CNTN4: variants seen among roughly 807,000 people sequenced by gnomAD.
CNTN4 encodes the protein contactin 4.
CNTN4 carries 77 observed loss-of-function variants against 122.5 expected under a neutral mutation model. That is an observed-to-expected ratio of 0.63 (90% CI 0.52 to 0.76). The LOEUF is 0.76. CNTN4 is among the 30% of genes least tolerant of loss of function. The probability of loss-of-function intolerance (pLI) is 0.00; values close to 1 mark genes in which losing one functional copy is unlikely to be tolerated. For missense variants in CNTN4, 1,256 were observed against 1,259.1 expected (o/e 1.00, Z 0.04); for synonymous variants, 512 against 447.0 (o/e 1.15, Z -1.83).
rs544475779 is a variant in CNTN4 at position 2,347,519 on chromosome 3, C to T, written c.-89+8286C>T. Among the ~76,000 whole-genome samples, 412 of 144,830 alleles carry T rather than the reference C, an allele frequency of 2.8e-3. 2 individuals are homozygous for T. The highest frequency in any genetic ancestry group is 5.0e-3 in the Non-Finnish European group (338 of 67,028). ...CCACCTCCCGAGTTCAAGTGATTCTCCTGCCTCAGCCTCCCTAGTAACTGG... is the reference window on the plus strand; with the variant it reads ...CCACCTCCCGAGTTCAAGTGATTCTTCTGCCTCAGCCTCCCTAGTAACTGG... On this transcript the variant is annotated intron_variant, in intron 3 of 24. Coordinates refer to ENST00000418658, the MANE Select transcript of CNTN4 (RefSeq NM_175607.3).
rs558851339 is a variant in CNTN4, at chr3:2,999,499, G to A, written c.1486+11027G>A. 1.5e-4 allele frequency among the ~76,000 whole-genome samples: 23 copies of A among 152,144 alleles called. No individual in the cohort carries two copies. In the South Asian group the frequency reaches 4.8e-3, roughly 32 times the overall value. The stretch of plus-strand genomic sequence containing the variant: ...TTCTTTCTCATGGCTCTCGGGGCTG[G>A]GAAGTCCAAGATCAAGGTGCTGGCA... On this transcript the variant is annotated intron_variant, in intron 14 of 24. Coordinates refer to ENST00000418658, the MANE Select transcript of CNTN4 (RefSeq NM_175607.3).
At chr3:2,713,099 G>A (rs1489884991) in intron 4 of CNTN4, among the ~76,000 whole-genome samples, 1 of 152,280 alleles carries the variant, frequency 6.6e-6, no homozygotes, top group Admixed American at 6.5e-5. Flanking sequence ...AAGCCAGTCA[G>A]GCAGAAGTTC....
chr3:2,976,507 A>G (rs532445381), intron 13 of CNTN4, among the ~76,000 whole-genome samples: 55 of 148,998 alleles, frequency 3.7e-4, no homozygotes, highest in African/African-American at 8.1e-4. Context: ...AGTGATGTCT[A>G]TTGCCACCAC....
rs35501368 is a variant in CNTN4, at chr3:2,841,150, C to T, written c.454+21569C>T. Among the ~76,000 whole-genome samples, 1 of 152,062 alleles carries T rather than the reference C, an allele frequency of 6.6e-6. No homozygotes were observed. Among genetic ancestry groups the T allele is most frequent in the Non-Finnish European group, 1.5e-5 (1 of 68,002 alleles). ...AAGATAATCTGAGGGTTAATGCTAA[C>T]TCTCATAGAATTTAAGTCAAAATAT... On this transcript the variant is annotated intron_variant, in intron 7 of 24. Transcript: ENST00000418658. The surrounding 1 kb of genome is among the most constrained non-coding windows in gnomAD (Gnocchi z 4.8).
At chr3:2,605,862 A>T (rs1481378603) in intron 4 of CNTN4, among the ~76,000 whole-genome samples, 1 of 152,232 alleles carries the variant, frequency 6.6e-6, no homozygotes, top group Non-Finnish European at 1.5e-5. Context: ...GACAAATGAT[A>T]AATAATTCGA....
chr3:2,554,036 G>T (rs1179333600), intron 3 of CNTN4, among the ~76,000 whole-genome samples: 1 of 152,074 alleles, frequency 6.6e-6, no homozygotes, highest in African/African-American at 2.4e-5. Flanking sequence ...TATATGAATT[G>T]ATATCTCATT....
chr3:2,184,387 G>A (rs1001276847), intron 2 of CNTN4, among the ~76,000 whole-genome samples: 2 of 152,142 alleles, frequency 1.3e-5, no homozygotes, highest in Admixed American at 6.6e-5. Flanking sequence ...CAGAGCATGG[G>A]TGAGGGTGAG....
At chr3:2,680,545 A>G (rs1329987303) in intron 4 of CNTN4, among the ~76,000 whole-genome samples, 2 of 152,194 alleles carry the variant, frequency 1.3e-5, no homozygotes, top group Non-Finnish European at 2.9e-5. Context: ...TATATTTCAT[A>G]ACCGGAGATG....
Position 2,584,033 on chromosome 3 carries a change from G to A in CNTN4, c.55+12475G>A, listed in dbSNP as rs540433963. On this transcript the variant is annotated intron_variant, in intron 4 of 24. Coordinates refer to ENST00000418658, the MANE Select transcript of CNTN4 (RefSeq NM_175607.3). Reference sequence around the variant, plus strand: ...GGTTCAAAACCTACCTGTAATTATAGTTGCTCAGTGTATGAGCTTGAGGAA... The same window carrying A: ...GGTTCAAAACCTACCTGTAATTATAATTGCTCAGTGTATGAGCTTGAGGAA... 2.0e-5 allele frequency among the ~76,000 whole-genome samples: 3 copies of A among 152,266 alleles called. No individual in the cohort carries two copies. The East Asian group carries it at 5.8e-4, about 29-fold the overall frequency.
At position 2,841,845 on chromosome 3, in the gene CNTN4, A is replaced by G. The variant is rs958332216; in HGVS notation, c.454+22264A>G. ...AATGGCTGGTAAGAGATTTAGTCCTAGGAGTAGGATCTAATCTTTTATATC... is the reference window on the plus strand; with the variant it reads ...AATGGCTGGTAAGAGATTTAGTCCTGGGAGTAGGATCTAATCTTTTATATC... On this transcript the variant is annotated intron_variant, in intron 7 of 24. Coordinates refer to ENST00000418658, the MANE Select transcript of CNTN4 (RefSeq NM_175607.3). The surrounding 1 kb of genome is among the most constrained non-coding windows in gnomAD (Gnocchi z 4.8). Among the ~76,000 whole-genome samples, 8 of 152,220 alleles carry G rather than the reference A, an allele frequency of 5.3e-5. No homozygotes were observed. Among genetic ancestry groups the G allele is most frequent in the African/African-American group, 1.9e-4 (8 of 41,446 alleles).
intron 3 of CNTN4, among the ~76,000 whole-genome samples, chr3:2,531,269 C>G (rs1013051968): frequency 6.6e-5 from 10 of 152,130 alleles, no homozygotes; most frequent in African/African-American, 2.4e-4. Context: ...TCATGGGCCA[C>G]TTGGAGCCAA....
chr3:2,100,585 A>T lies in CNTN4; in HGVS notation c.-199A>T, dbSNP rs1326071562. ...GGTGAAAAAGAACAGTGTGTCATGA[A>T]GACAGGCACCTGGAGGTGATTTGGG... is the stretch of plus-strand genomic sequence containing the variant. On this transcript the variant is annotated 5_prime_UTR_variant, in exon 2 of 25. It adds an upstream start codon to the 5' untranslated region. Coordinates refer to ENST00000418658, the MANE Select transcript of CNTN4 (RefSeq NM_175607.3). 2.0e-5 allele frequency: 3 copies of T among 152,174 alleles called. No individual in the cohort carries two copies. The highest frequency in any genetic ancestry group is 7.2e-5 in the African/African-American group (3 of 41,436). 9.4% of individuals were successfully genotyped at this position (152,174 alleles called of 1,614,324 possible). A position where few individuals can be genotyped will look rare whatever the true frequency, so the allele number is the denominator to read the frequency against.
At chr3:2,735,591 T>C (rs889299908) in intron 4 of CNTN4, among the ~76,000 whole-genome samples, 2 of 152,172 alleles carry the variant, frequency 1.3e-5, no homozygotes, top group Admixed American at 1.3e-4. Context: ...TATGTGACAT[T>C]TATGCAAGGT....
At chr3:2,233,074 G>T (rs1292652830) in intron 2 of CNTN4, among the ~76,000 whole-genome samples, 1 of 151,458 alleles carries the variant, frequency 6.6e-6, no homozygotes, top group African/African-American at 2.4e-5. Context: ...AACTATTCAA[G>T]CATGGCTAGC....
chr3:2,277,371 T>A (rs1281364466), intron 2 of CNTN4, among the ~76,000 whole-genome samples: 1 of 152,026 alleles, frequency 6.6e-6, no homozygotes, highest in African/African-American at 2.4e-5. Flanking sequence ...TTAAAACACA[T>A]GCTAACTGTT....
chr3:2,366,362 C>G (rs1304139854), intron 3 of CNTN4, among the ~76,000 whole-genome samples: 1 of 152,144 alleles, frequency 6.6e-6, no homozygotes, highest in Non-Finnish European at 1.5e-5. Context: ...GACCTAAATT[C>G]TGGGATTCTG....
At chr3:2,618,267 T>C (rs1236181643) in intron 4 of CNTN4, among the ~76,000 whole-genome samples, 2 of 152,120 alleles carry the variant, frequency 1.3e-5, no homozygotes, top group East Asian at 3.8e-4. Flanking sequence ...GGAATATGCA[T>C]GTATATGTGT....
At chr3:3,027,710 A>C (rs1052873362) in intron 15 of CNTN4, among the ~76,000 whole-genome samples, 1 of 152,174 alleles carries the variant, frequency 6.6e-6, no homozygotes, top group African/African-American at 2.4e-5. Flanking sequence ...AAAAATGCTA[A>C]ATCTCAGAAT....
At chr3:2,514,271 C>T (rs947348588) in intron 3 of CNTN4, among the ~76,000 whole-genome samples, 8 of 152,086 alleles carry the variant, frequency 5.3e-5, no homozygotes, top group African/African-American at 1.9e-4. Context: ...CCTAACCCTC[C>T]TTAACAGCTT....
Sources: gnomAD v4.1 joint callset for allele counts (sites outside exome capture counted in the v4.1 genomes callset) on GRCh38, gnomAD v4.1.1 for gene constraint, Gnocchi (gnomAD v3.1) non-coding constraint, MANE v1.5 for transcripts, NCBI Gene and HGNC (gene_info 2026-07-23, HGNC 2026-07-21) for gene names.